Variants in COL23A1 observed in about 807,000 individuals in gnomAD.
COL23A1 encodes collagen alpha-1(XXIII) chain.
Under a neutral mutation model 99.3 loss-of-function variants are expected in COL23A1, and 97 were observed. The observed-to-expected ratio is 0.98, with a 90% CI of 0.83 to 1.16. COL23A1 has a LOEUF of 1.16. Among genes scored for constraint, COL23A1 ranks in the 50% most tolerant of loss-of-function variants. COL23A1 has a pLI of 0.00. For missense variants in COL23A1, 762 were observed against 757.4 expected, an observed-to-expected ratio of 1.01 and a Z score of -0.07; for synonymous variants, 320 against 308.2, an observed-to-expected ratio of 1.04 and a Z score of -0.40.
intron 2 of COL23A1, among the ~76,000 whole-genome samples, chr5:178,482,012 AAAGTAT>A (rs1162836012): frequency 7.2e-6 from 1 of 138,050 alleles, no homozygotes; most frequent in African/African-American, 2.6e-5. Context: ...CCTAAAACTT[AAAGTAT>A]AATTAAAAAA....
At chr5:178,269,474 C>CCCACCCACCCAT (rs1488474689) in intron 6 of COL23A1, among the ~76,000 whole-genome samples, 1 of 70,960 alleles carries the variant, frequency 1.4e-5, no homozygotes, top group African/African-American at 6.9e-5. Flanking sequence ...CACCCATCCA[C>CCCACCCACCCAT]CCACCCATCC....
chr5:178,258,072 T>G (rs2127547124), intron 12 of COL23A1, among the ~76,000 whole-genome samples: 1 of 151,790 alleles, frequency 6.6e-6, no homozygotes, highest in South Asian at 2.1e-4. Flanking sequence ...CAAGACTCCA[T>G]CTCTACAAAA....
At chr5:178,568,499 C>T (rs1437227489) in intron 1 of COL23A1, among the ~76,000 whole-genome samples, 3 of 151,798 alleles carry the variant, frequency 2.0e-5, no homozygotes, top group Non-Finnish European at 4.4e-5. Context: ...GTGAACAATT[C>T]AGTGGCATTA....
At chr5:178,495,774 A>G (rs1758167597) in intron 2 of COL23A1, among the ~76,000 whole-genome samples, 1 of 152,170 alleles carries the variant, frequency 6.6e-6, no homozygotes, top group African/African-American at 2.4e-5. Context: ...TAAGTAAAAG[A>G]TGGGAAGGAA....
rs528716366 is a variant in COL23A1 at position 178,306,865 on chromosome 5, T to C, written c.406+10A>G. On this transcript the variant is annotated intron_variant, in intron 3 of 28. Transcript: ENST00000390654. This position sits in a 1 kb window ranked among gnomAD's most constrained non-coding sequence, Gnocchi z 4.1. ...CCTTGGCTTAGGAGCTGAGAAAACC[T>C]GGGACTCACCAGGGTCGCCTCTTCT... The C allele has an allele frequency of 2.0e-6, 3 of 1,516,698 alleles. No individual in the cohort carries two copies. In the South Asian group the frequency reaches 3.8e-5, roughly 19 times the overall value. 94.0% of individuals were successfully genotyped at this position (1,516,698 alleles called of 1,614,324 possible).
At chr5:178,360,819 A>G (rs1762136884) in intron 2 of COL23A1, among the ~76,000 whole-genome samples, 1 of 152,250 alleles carries the variant, frequency 6.6e-6, no homozygotes, top group South Asian at 2.1e-4. Flanking sequence ...CGGGGGACCC[A>G]AAGAGCTCCA....
At chr5:178,247,932 GC>G (rs1581443464) in intron 20 of COL23A1, 101 bp from the exon 21 acceptor site, 8 of 1,074,908 alleles carry the variant, frequency 7.4e-6, no homozygotes, top group Middle Eastern at 2.1e-4. Flanking sequence ...TCTCCTTCCT[GC>G]CCCCCAGAGG....
At chr5:178,344,293 A>G (rs1760838564) in intron 2 of COL23A1, among the ~76,000 whole-genome samples, 1 of 152,234 alleles carries the variant, frequency 6.6e-6, no homozygotes, top group Admixed American at 6.5e-5. Flanking sequence ...TGCTATGTAA[A>G]CAGTTGTTAC....
At chr5:178,558,032 G>A (rs549185602) in intron 2 of COL23A1, among the ~76,000 whole-genome samples, 2 of 151,344 alleles carry the variant, frequency 1.3e-5, no homozygotes, top group East Asian at 3.9e-4. Flanking sequence ...GCATCAGCAC[G>A]GTGCTGATGA....
intron 2 of COL23A1, among the ~76,000 whole-genome samples, chr5:178,412,064 A>C (rs968807951): frequency 3.9e-5 from 6 of 152,238 alleles, no homozygotes; most frequent in Non-Finnish European, 7.3e-5. Flanking sequence ...TCATGAATGT[A>C]CGTGTAACTG....
chr5:178,327,549 T>C (rs1203101934), intron 2 of COL23A1, among the ~76,000 whole-genome samples: 2 of 152,116 alleles, frequency 1.3e-5, no homozygotes, highest in Non-Finnish European at 2.9e-5. Flanking sequence ...GCCACTCCCT[T>C]AGTGATTCCT....
rs963019355 is a variant in COL23A1, at chr5:178,447,433, C to T, written c.361+113249G>A. Among the ~76,000 whole-genome samples the T allele has an allele frequency of 3.3e-5, 5 of 152,164 alleles. 1 individual carries two copies. The highest frequency in any genetic ancestry group is 7.2e-5 in the African/African-American group (3 of 41,438). ...AACATTTGGGTCAATGACGCATATA[C>T]GGCAGTGGTCCCTTAAGATTATAAT... On this transcript the variant is annotated intron_variant, in intron 2 of 28. Coordinates refer to ENST00000390654, the MANE Select transcript of COL23A1 (RefSeq NM_173465.4).
At chr5:178,347,696 C>G (rs534542551) in intron 2 of COL23A1, among the ~76,000 whole-genome samples, 18 of 151,940 alleles carry the variant, frequency 1.2e-4, no homozygotes, top group African/African-American at 4.3e-4. Context: ...TCCTGGCCAA[C>G]ATGGTGAAAC....
chr5:178,579,437 T>G (rs989541776), intron 1 of COL23A1, among the ~76,000 whole-genome samples: 2 of 152,072 alleles, frequency 1.3e-5, no homozygotes, highest in African/African-American at 4.8e-5. Context: ...TGAACCTGGG[T>G]GTCCTCAAGG....
intron 2 of COL23A1, among the ~76,000 whole-genome samples, chr5:178,470,430 A>G (rs1379344263): frequency 6.6e-6 from 1 of 152,174 alleles, no homozygotes; most frequent in East Asian, 1.9e-4. Context: ...TGCCTAGACA[A>G]ACCACCTAAA....
intron 2 of COL23A1, among the ~76,000 whole-genome samples, chr5:178,352,993 G>A (rs2913810): frequency 0.77 from 117,920 of 152,182 alleles, 45,753 homozygotes; most frequent in Admixed American, 0.82. Flanking sequence ...AACTGGCAAT[G>A]TACACTCCAC....
chr5:178,572,072 C>CAAAAACAAAAAA (rs1763135099), intron 1 of COL23A1, among the ~76,000 whole-genome samples: 1 of 109,496 alleles, frequency 9.1e-6, no homozygotes, highest in Non-Finnish European at 1.8e-5. Flanking sequence ...TTTCTCAAAA[C>CAAAAACAAAAAA]AAAAAAAAAA....
intron 1 of COL23A1, among the ~76,000 whole-genome samples, chr5:178,584,308 CCACA>C (rs4045513): frequency 0.072 from 10,372 of 145,040 alleles, 571 homozygotes; most frequent in East Asian, 0.31. Flanking sequence ...CTGCACCTGG[CCACA>C]CACACACACA....
chr5:178,358,035 T>TGTATGC (rs1436706036), intron 2 of COL23A1, among the ~76,000 whole-genome samples: 2,100 of 137,556 alleles, frequency 0.015, 50 homozygotes, highest in African/African-American at 0.046. Flanking sequence ...TATGCGTATG[T>TGTATGC]GTATGTGTAT....
Sources: gnomAD v4.1 joint callset for allele counts (sites outside exome capture counted in the v4.1 genomes callset) on GRCh38, gnomAD v4.1.1 for gene constraint, Gnocchi (gnomAD v3.1) non-coding constraint, MANE v1.5 for transcripts, NCBI Gene and HGNC (gene_info 2026-07-23, HGNC 2026-07-21) for gene names.